The following CD6 variants were observed in gnomAD, a reference collection of about 807,000 sequenced individuals.
The protein encoded by CD6 is CD6 molecule.
CD6 carries 53 observed loss-of-function variants against 75.3 expected under a neutral mutation model. The observed-to-expected ratio is 0.70, with a 90% confidence interval of 0.56 to 0.88. The LOEUF (loss-of-function observed/expected upper bound fraction) is 0.88, where lower values mean the gene tolerates loss of function less well. Among genes scored for constraint, CD6 ranks in the 40% least tolerant of loss-of-function variants. The pLI is 0.00. For synonymous variants in CD6, 359 were observed against 381.5 expected (o/e 0.94, Z 0.69); for missense variants, 770 against 897.1 (o/e 0.86, Z 1.81).
At chr11:61,001,222 A>G (rs1299053458) in intron 1 of CD6, among the ~76,000 whole-genome samples, 7 of 103,906 alleles carry the variant, frequency 6.7e-5, no homozygotes, top group Non-Finnish European at 9.1e-5. Context: ...TTTTTTTGAG[A>G]CGGAGTCTTG....
Position 61,009,587 on chromosome 11 carries a change from G to A in CD6, c.797G>A (p.Arg266His), listed in dbSNP as rs758212958. The change falls in exon 5 of 13, where the codon CGC (arginine) becomes CAC (histidine). Residue 266 changes from arginine (R) to histidine (H), a missense_variant. Arg to His is a conservative substitution (Grantham distance 29). Transcript: ENST00000313421. ...TTCCCTGCAGAGCACCAGTCCTGGC[G>A]CCTGACAGGGGGCGCTGACCGCTGC... ...GAVCSEHQSW[R>H]LTGGADRCEG... 9 of 1,606,722 alleles carry A rather than the reference G, an allele frequency of 5.6e-6. No homozygotes were observed. Among genetic ancestry groups the A allele is most frequent in the African/African-American group, 1.3e-5 (1 of 74,804 alleles).
intron 1 of CD6, among the ~76,000 whole-genome samples, chr11:60,973,513 C>T (rs183825705): frequency 1.2e-4 from 18 of 152,310 alleles, no homozygotes; most frequent in Non-Finnish European, 2.5e-4. Flanking sequence ...GGAAAGTTTA[C>T]ATCACTATTA....
intron 1 of CD6, among the ~76,000 whole-genome samples, chr11:60,994,061 G>A (rs1481039490): frequency 6.6e-6 from 1 of 152,154 alleles, no homozygotes; most frequent in Non-Finnish European, 1.5e-5. Context: ...AGAGAGGAGG[G>A]GAGATGAAAC....
Position 61,006,505 on chromosome 11 carries a change from A to G in CD6, c.50-69A>G, listed in dbSNP as rs1439863900. Reference sequence around the variant, plus strand: ...AGGCTCCAGGAAGTGCCCCCTGCTCATCAGGGTGTCTCTGTGGTCTCCAGG... The same window carrying G: ...AGGCTCCAGGAAGTGCCCCCTGCTCGTCAGGGTGTCTCTGTGGTCTCCAGG... On this transcript the variant is annotated intron_variant, in intron 1 of 12. Coordinates refer to ENST00000313421, the MANE Select transcript of CD6 (RefSeq NM_006725.5). The G allele has an allele frequency of 2.3e-6, 3 of 1,327,938 alleles. No individual in the cohort carries two copies. The Admixed American group carries it at 5.9e-5, about 26-fold the overall frequency. The allele number at this position is 1,327,938 out of a possible 1,614,324, so 82.3% of individuals were successfully genotyped here. A position where few individuals can be genotyped will look rare whatever the true frequency, so the allele number is the denominator to read the frequency against.
rs764652924 is a variant in CD6 at position 61,008,542 on chromosome 11, G to T, written c.478G>T (p.Ala160Ser). 6.3e-7 allele frequency: 1 copy of T among 1,598,904 alleles called. No homozygotes were observed. The highest frequency in any genetic ancestry group is 8.5e-7 in the Non-Finnish European group (1 of 1,172,790). The change falls in exon 4 of 13, where the codon GCG becomes TCG. Residue 160 changes from alanine (A) to serine (S), a missense_variant. Ala to Ser is a moderately conservative substitution (Grantham distance 99, BLOSUM62 1). Transcript: ENST00000313421. The part of the protein sequence containing the change: ...RARVTCAENR[A>S]LRLVDGGGAC... ...CCCCCTCCCACCCCTAGAGAACCGC[G>T]CGCTGCGCCTGGTGGACGGTGGCGG...
intron 1 of CD6, among the ~76,000 whole-genome samples, chr11:60,988,388 C>G (rs1480903954): frequency 1.3e-5 from 2 of 152,216 alleles, no homozygotes; most frequent in African/African-American, 4.8e-5. Context: ...CAGCCCCCAG[C>G]TGTTAAGGAC....
chr11:61,009,853 G>A lies in CD6; in HGVS notation c.1063G>A (p.Ala355Thr). Residue 355 changes from alanine to threonine, a missense_variant, in exon 5 of 13, where the codon GCA becomes ACA. Transcript: ENST00000313421. ...NNSNLCSQSL[A>T]ARVLCSASRS... The stretch of plus-strand genomic sequence containing the variant: ...CTCCAACCTCTGCAGCCAGTCGCTG[G>A]CAGCCAGGGTCCTCTGCTCAGGTAC... 1 of 1,563,084 alleles carries A rather than the reference G, an allele frequency of 6.4e-7. No homozygotes were observed. The highest frequency in any genetic ancestry group is 8.7e-7 in the Non-Finnish European group (1 of 1,152,434).
At position 60,982,300 on chromosome 11, in the gene CD6, C is replaced by A. The variant is rs986784044; in HGVS notation, c.49+10386C>A. Among the ~76,000 whole-genome samples the A allele has an allele frequency of 2.0e-5, 3 of 152,264 alleles. No individual in the cohort carries two copies. In the East Asian group the frequency reaches 5.8e-4, roughly 29 times the overall value. On this transcript the variant is annotated intron_variant, in intron 1 of 12. Coordinates refer to ENST00000313421, the MANE Select transcript of CD6 (RefSeq NM_006725.5). ...GGCAGAAATGAAGTCACTGTGTCCT[C>A]GGAGTCAGATGCAAAGCCAAGCGTG...
At chr11:60,994,324 C>A (rs1420342778) in intron 1 of CD6, among the ~76,000 whole-genome samples, 1 of 151,600 alleles carries the variant, frequency 6.6e-6, no homozygotes, top group Non-Finnish European at 1.5e-5. Flanking sequence ...ACCTGTAGTC[C>A]CAGCTACTCA....
At chr11:61,008,899 T>G in intron 4 of CD6, 54 bp downstream of exon 4, 1 of 1,415,670 alleles carries the variant, frequency 7.1e-7, no homozygotes, top group Non-Finnish European at 9.3e-7. Context: ...ACCATAGGCC[T>G]ACTGGGCGCC....
At chr11:60,974,600 G>C (rs1270197367) in intron 1 of CD6, among the ~76,000 whole-genome samples, 5 of 152,190 alleles carry the variant, frequency 3.3e-5, no homozygotes, top group Non-Finnish European at 5.9e-5. Flanking sequence ...CCTCTGCCCA[G>C]GTGGCCCGGG....
intron 3 of CD6, 30 bp from the exon 4 acceptor site, chr11:61,008,504 C>T: frequency 6.5e-7 from 1 of 1,535,218 alleles, no homozygotes; most frequent in Non-Finnish European, 8.8e-7. Flanking sequence ...GTCGGGTGCC[C>T]CAGCATCCAC....
chr11:60,977,781 C>T (rs1857416671), intron 1 of CD6, among the ~76,000 whole-genome samples: 1 of 152,176 alleles, frequency 6.6e-6, no homozygotes, highest in African/African-American at 2.4e-5. Flanking sequence ...AGGCGCCTGA[C>T]ACCATGCCTG....
intron 1 of CD6, among the ~76,000 whole-genome samples, chr11:61,000,980 G>T (rs576456937): frequency 2.6e-5 from 4 of 151,944 alleles, no homozygotes; most frequent in African/African-American, 4.8e-5. Flanking sequence ...GAAACCAGCC[G>T]CTCCCCTCCA....
At chr11:61,016,063 G>C (rs1248881602) in intron 9 of CD6, among the ~76,000 whole-genome samples, 1 of 152,202 alleles carries the variant, frequency 6.6e-6, no homozygotes, top group African/African-American at 2.4e-5. Flanking sequence ...TCTGACCTCT[G>C]TCTCTCCCAT....
chr11:61,008,112 C>T (rs1370576372), intron 3 of CD6, among the ~76,000 whole-genome samples: 1 of 152,112 alleles, frequency 6.6e-6, no homozygotes, highest in African/African-American at 2.4e-5. Flanking sequence ...TGGATCTGGC[C>T]TCCAGACTCC....
Position 60,971,841 on chromosome 11 carries a change from G to A in CD6, c.-25G>A, listed in dbSNP as rs376263781. On this transcript the variant is annotated 5_prime_UTR_variant, in exon 1 of 13. Transcript: ENST00000313421. ...TGGTGCTTCCCACAGGCAGCCACGCGTAGCAGCCAGAGACAGCTCCAGACA... is the reference window on the plus strand; with the variant it reads ...TGGTGCTTCCCACAGGCAGCCACGCATAGCAGCCAGAGACAGCTCCAGACA... 8.1e-5 allele frequency: 130 copies of A among 1,612,548 alleles called. No homozygotes were observed. Among genetic ancestry groups the A allele is most frequent in the African/African-American group, 5.9e-4 (44 of 75,016 alleles).
In CD6 at chr11:61,017,997, C is replaced by G; in HGVS notation, c.1821C>G (p.Thr607=). The G allele has an allele frequency of 6.2e-7, 1 of 1,611,500 alleles. No individual in the cohort carries two copies. The highest frequency in any genetic ancestry group is 8.5e-7 in the Non-Finnish European group (1 of 1,179,766). The change falls in exon 11 of 13, where the codon ACC becomes ACG. Residue 607 remains threonine (T), a synonymous_variant. Transcript: ENST00000313421. The part of the protein sequence containing the change: ...EQPPNLELAG[T]QPAFSAGPPA... ...CCCCAAACTTGGAGCTGGCCGGCAC[C>G]CAGCCAGCCTTTTCAGGTAAGCTGT... is the stretch of plus-strand genomic sequence containing the variant.
chr11:61,019,246 GC>G lies in CD6; in HGVS notation c.1943-5del. The G allele has an allele frequency of 6.2e-7, 1 of 1,610,338 alleles. No individual in the cohort carries two copies. Among genetic ancestry groups the G allele is most frequent in the Non-Finnish European group, 8.5e-7 (1 of 1,179,014 alleles). ...GTCTCCCACTAATCTGGGCCTCTCT[GC>G]CCACAGGGTCCCCCAGCCCTCAGCC... On this transcript the variant is annotated splice_polypyrimidine_tract_variant and splice_region_variant and intron_variant, in intron 12 of 12. Coordinates refer to ENST00000313421, the MANE Select transcript of CD6 (RefSeq NM_006725.5).
Sources: gnomAD v4.1 joint callset for allele counts (sites outside exome capture counted in the v4.1 genomes callset) on GRCh38, gnomAD v4.1.1 for gene constraint, MANE v1.5 for transcripts, NCBI Gene and HGNC (gene_info 2026-07-23, HGNC 2026-07-21) for gene names.